SLC12A6: variants seen among roughly 807,000 people sequenced by gnomAD.
The protein encoded by SLC12A6 is K-Cl cotransporter 3.
SLC12A6 carries 66 observed loss-of-function variants against 135.3 expected under a neutral mutation model. That is an observed-to-expected ratio of 0.49 (90% CI 0.40 to 0.60). The LOEUF is 0.60. Ranked by LOEUF, SLC12A6 falls within the 20% of genes least tolerant of loss-of-function variation. The pLI is 0.00. For missense variants in SLC12A6, 1,058 were observed against 1,452.3 expected, an observed-to-expected ratio of 0.73 and a Z score of 4.41; for synonymous variants, 513 against 508.8, an observed-to-expected ratio of 1.01 and a Z score of -0.11.
At position 34,244,080 on chromosome 15, in the gene SLC12A6, A is replaced by G. The variant is rs1461186076; in HGVS notation, c.1944-8T>C. 3.5e-6 allele frequency: 5 copies of G among 1,422,506 alleles called. No individual in the cohort carries two copies. Among genetic ancestry groups the G allele is most frequent in the Non-Finnish European group, 5.0e-6 (5 of 1,005,078 alleles). 88.1% of individuals were successfully genotyped at this position (1,422,506 alleles called of 1,614,324 possible). On this transcript the variant is annotated splice_region_variant and splice_polypyrimidine_tract_variant and intron_variant, in intron 15 of 25. Coordinates refer to ENST00000354181, the MANE Select transcript of SLC12A6 (RefSeq NM_001365088.1). ...TAACACATGAGAAAAAACCTGAAGA[A>G]TAAAGAGTAAGAGGAATGATTATTA...
intron 19 of SLC12A6, 72 bp from the exon 20 acceptor site, chr15:34,239,232 T>C: frequency 9.0e-7 from 1 of 1,115,530 alleles, no homozygotes; most frequent in Non-Finnish European, 1.4e-6. Flanking sequence ...TCCTTCTCCA[T>C]ATTATATCCC....
Position 34,255,276 on chromosome 15 carries a change from T to C in SLC12A6, c.862A>G (p.Ile288Val), listed in dbSNP as rs1892670698. 4 of 1,609,114 alleles carry C rather than the reference T, an allele frequency of 2.5e-6. No individual in the cohort carries two copies. The highest frequency in any genetic ancestry group is 1.1e-5 in the South Asian group (1 of 90,990). Residue 288 changes from isoleucine to valine, a missense_variant, in exon 8 of 26, where the codon ATT (isoleucine) becomes GTT (valine). Around this residue, in one of 6 missense-constraint regions of SLC12A6, gnomAD observed 139 missense variants for 202.2 expected, o/e 0.69. Transcript: ENST00000354181. ...TCATTACTTACCAGAAAGATTTCAA[T>C]GGCACCAAGGATGTACATGGCTGCT... ...FAAAMYILGA[I>V]EIFLVYIVPR...
At chr15:34,257,928 G>A (rs1043823650) in intron 5 of SLC12A6, 140 bp from the exon 6 acceptor site, 6 of 642,646 alleles carry the variant, frequency 9.3e-6, no homozygotes, top group South Asian at 1.8e-5. Flanking sequence ...CTTCAAAAGG[G>A]CACATATAAA....
intron 2 of SLC12A6, among the ~76,000 whole-genome samples, chr15:34,286,264 T>C (rs1216603875): frequency 1.3e-5 from 2 of 151,436 alleles, no homozygotes; most frequent in Non-Finnish European, 2.9e-5. Context: ...TTAGTAGAGA[T>C]GGGGTTTCAC....
At position 34,258,840 on chromosome 15, in the gene SLC12A6, G is replaced by A. The variant is rs761993928; in HGVS notation, c.516C>T (p.Ile172=). 5 of 1,613,548 alleles carry A rather than the reference G, an allele frequency of 3.1e-6. No individual in the cohort carries two copies. Among genetic ancestry groups the A allele is most frequent in the Non-Finnish European group, 4.2e-6 (5 of 1,179,526 alleles). ...GAKEHEEAEN[I]TEGKKKPTKT... is the part of the protein sequence containing the mutation. ...TGGTGGGCTTCTTTTTCCCTTCAGT[G>A]ATGTTTTCTGCCTCTTCATGTTCCT... Residue 172 remains isoleucine, a synonymous_variant, in exon 5 of 26, where the codon ATC becomes ATT. Transcript: ENST00000354181.
intron 19 of SLC12A6, among the ~76,000 whole-genome samples, chr15:34,240,180 A>G (rs1486668461): frequency 6.6e-6 from 1 of 152,124 alleles, no homozygotes; most frequent in Admixed American, 6.5e-5. Flanking sequence ...ATCATATATA[A>G]TAAGTATTAG....
At position 34,235,317 on chromosome 15, in the gene SLC12A6, G is replaced by A; in HGVS notation, c.3228-3C>T. On this transcript the variant is annotated splice_region_variant and splice_polypyrimidine_tract_variant and intron_variant, in intron 24 of 25. Coordinates refer to ENST00000354181, the MANE Select transcript of SLC12A6 (RefSeq NM_001365088.1). ...TCCGCCTCACATTGGACTGGTCCCT[G>A]AGTGGGGAAGAAATAAAGGTTGTTA... is the stretch of plus-strand genomic sequence containing the variant. 4 of 1,612,380 alleles carry A rather than the reference G, an allele frequency of 2.5e-6. No homozygotes were observed. In the South Asian group the frequency reaches 3.3e-5, roughly 13 times the overall value.
intron 23 of SLC12A6, 133 bp from the exon 24 acceptor site, chr15:34,236,332 C>T (rs919250805): frequency 9.4e-6 from 7 of 746,292 alleles, no homozygotes; most frequent in African/African-American, 6.9e-5. Flanking sequence ...TCCTTGAAAA[C>T]AATATAGTAT....
At chr15:34,278,270 T>C (rs2140901843) in intron 2 of SLC12A6, among the ~76,000 whole-genome samples, 1 of 151,724 alleles carries the variant, frequency 6.6e-6, no homozygotes, top group Non-Finnish European at 1.5e-5. Context: ...CCACTAAAAA[T>C]AAAAAAATCA....
Position 34,241,346 on chromosome 15 carries a change from AAAAG to A in SLC12A6, c.2163-13_2163-10del, listed in dbSNP as rs749702158. On this transcript the variant is annotated splice_polypyrimidine_tract_variant and intron_variant, in intron 17 of 25. Transcript: ENST00000354181. ...CCCATTCTTTCTCAGCTCTGTGAGA[AAAAG>A]AAAAGAGCAGAGACAAATTTAAACT... 2 of 1,440,958 alleles carry A rather than the reference AAAAG, an allele frequency of 1.4e-6. No homozygotes were observed. The highest frequency in any genetic ancestry group is 2.0e-6 in the Non-Finnish European group (2 of 1,021,964). 89.3% of individuals were successfully genotyped at this position (1,440,958 alleles called of 1,614,324 possible). A position where few individuals can be genotyped will look rare whatever the true frequency, so the allele number is the denominator to read the frequency against.
At chr15:34,313,787 G>A (rs1008186974) in intron 2 of SLC12A6, among the ~76,000 whole-genome samples, 3 of 152,078 alleles carry the variant, frequency 2.0e-5, no homozygotes, top group Non-Finnish European at 4.4e-5. Context: ...CTCATTTACT[G>A]TTCTGAAAAT....
intron 2 of SLC12A6, among the ~76,000 whole-genome samples, chr15:34,298,827 T>C (rs16958957): frequency 0.037 from 5,685 of 152,224 alleles, 354 homozygotes; most frequent in East Asian, 0.28. Flanking sequence ...TCTATTCCAT[T>C]GCACTGCCAT....
chr15:34,287,943 G>A (rs347807), intron 2 of SLC12A6, among the ~76,000 whole-genome samples: 58,535 of 152,012 alleles, frequency 0.39, 14,325 homozygotes, highest in African/African-American at 0.71. Context: ...GTTCACTCTG[G>A]TAATAGTTTC....
intron 2 of SLC12A6, among the ~76,000 whole-genome samples, chr15:34,285,657 T>C (rs1894998322): frequency 7.8e-6 from 1 of 129,032 alleles, no homozygotes; most frequent in South Asian, 2.6e-4. Context: ...GCAATCCAAA[T>C]GTCCACTAAT....
chr15:34,283,683 TGTA>T (rs1894837837), intron 2 of SLC12A6, among the ~76,000 whole-genome samples: 4 of 152,158 alleles, frequency 2.6e-5, no homozygotes, highest in Middle Eastern at 3.2e-3. Flanking sequence ...CACTACATCT[TGTA>T]GTGTAGCACA....
chr15:34,242,182 C>T lies in SLC12A6; in HGVS notation c.2082G>A (p.Leu694=), dbSNP rs773869392. 3 of 1,596,784 alleles carry T rather than the reference C, an allele frequency of 1.9e-6. No individual in the cohort carries two copies. In the East Asian group the frequency reaches 6.7e-5, roughly 36 times the overall value. The stretch of plus-strand genomic sequence containing the variant: ...CATAATACCAGGAAGAAATGAACAT[C>T]AGAGCCAGACAGATACTCATTCCCA... ...SFMGMSICLA[L]MFISSWYYAI... is the part of the protein sequence containing the mutation. Residue 694 remains leucine (L), a synonymous_variant, in exon 17 of 26, where the codon CTG becomes CTA. Transcript: ENST00000354181.
At chr15:34,245,941 A>T in intron 13 of SLC12A6, 74 bp from the exon 14 acceptor site, 5 of 1,191,492 alleles carry the variant, frequency 4.2e-6, no homozygotes, top group Non-Finnish European at 6.1e-6. Flanking sequence ...TATTCACCCA[A>T]TTTTTTTTTG....
Position 34,318,483 on chromosome 15 carries a change from T to C in SLC12A6, c.271+17927A>G, listed in dbSNP as rs1404572120. 1.9e-5 allele frequency: 22 copies of C among 1,134,630 alleles called. No individual in the cohort carries two copies. The Admixed American group carries it at 3.7e-4, about 19-fold the overall frequency. 70.3% of individuals were successfully genotyped at this position (1,134,630 alleles called of 1,614,324 possible). On this transcript the variant is annotated intron_variant, in intron 2 of 25. Coordinates refer to ENST00000354181, the MANE Select transcript of SLC12A6 (RefSeq NM_001365088.1). ...ACTTTTCTCTGTCCTAAAGAAGGCA[T>C]TTTGAATTTTGATATCCTAGTTACT...
chr15:34,245,936 A>T (rs1891953395), intron 13 of SLC12A6, 69 bp from the exon 14 acceptor site: 16 of 1,276,892 alleles, frequency 1.3e-5, no homozygotes, highest in Non-Finnish European at 1.5e-5. Context: ...AGAGATATTC[A>T]CCCAATTTTT....
Sources: allele counts gnomAD v4.1 joint callset (sites outside exome capture counted in the v4.1 genomes callset), GRCh38; gene constraint gnomAD v4.1.1; regional missense constraint gnomAD v4.1.1; transcripts MANE v1.5; gene names NCBI Gene and HGNC (gene_info 2026-07-23, HGNC 2026-07-21).